SCYL2: variants seen among roughly 807,000 people sequenced by gnomAD.
The protein encoded by SCYL2 is SCY1 like pseudokinase 2.
SCYL2 carries 36 observed loss-of-function variants against 100.4 expected under a neutral mutation model. The observed-to-expected ratio is 0.36, with a 90% CI of 0.27 to 0.47. The LOEUF is 0.47. SCYL2 is among the 20% of genes least tolerant of loss of function. The pLI is 1.00. For synonymous variants in SCYL2, 330 were observed against 359.2 expected (o/e 0.92, Z 0.92); for missense variants, 902 against 1,083.9 (o/e 0.83, Z 2.36).
At chr12:100,307,451 C>T (rs1292663280) in intron 4 of SCYL2, among the ~76,000 whole-genome samples, 1 of 152,122 alleles carries the variant, frequency 6.6e-6, no homozygotes, top group Non-Finnish European at 1.5e-5. Context: ...ATGCAGAAAA[C>T]TGAAACTGGA....
intron 10 of SCYL2, chr12:100,319,102 T>C (rs1220555004): frequency 1.1e-5 from 4 of 355,092 alleles, no homozygotes; most frequent in Admixed American, 7.4e-5. Context: ...CTAAAGTTAA[T>C]ATGAACCTAA....
intron 11 of SCYL2, 78 bp downstream of exon 11, chr12:100,323,716 C>A: frequency 1.3e-6 from 1 of 742,200 alleles, no homozygotes; most frequent in Non-Finnish European, 2.2e-6. Flanking sequence ...GTTTAATAAC[C>A]CTTTTATAGA....
chr12:100,320,238 G>A (rs960872105), intron 10 of SCYL2, among the ~76,000 whole-genome samples: 3 of 152,066 alleles, frequency 2.0e-5, no homozygotes, highest in East Asian at 1.9e-4. Context: ...TCCTCATCCC[G>A]GCTGTTATTA....
intron 3 of SCYL2, among the ~76,000 whole-genome samples, chr12:100,297,262 C>A (rs943095266): frequency 3.9e-5 from 6 of 152,158 alleles, no homozygotes; most frequent in African/African-American, 1.4e-4. Flanking sequence ...TCTATTATCA[C>A]CATTTTACAA....
chr12:100,281,638 C>A (rs1034110510), intron 1 of SCYL2, among the ~76,000 whole-genome samples: 18 of 152,100 alleles, frequency 1.2e-4, no homozygotes, highest in African/African-American at 3.9e-4. Flanking sequence ...TCGAGACCAT[C>A]CTGGCTAACA....
At chr12:100,308,167 T>C (rs531652206) in intron 4 of SCYL2, among the ~76,000 whole-genome samples, 2 of 152,286 alleles carry the variant, frequency 1.3e-5, no homozygotes, top group African/African-American at 4.8e-5. Flanking sequence ...TAAATGATTC[T>C]ACTATAAAGA....
At chr12:100,306,439 G>C (rs2096334515) in intron 4 of SCYL2, among the ~76,000 whole-genome samples, 1 of 152,178 alleles carries the variant, frequency 6.6e-6, no homozygotes, top group Admixed American at 6.5e-5. Context: ...AAAGGCCTTT[G>C]ATAAAATTCA....
intron 4 of SCYL2, among the ~76,000 whole-genome samples, chr12:100,308,034 TTGG>T (rs1401128644): frequency 8.5e-5 from 13 of 152,148 alleles, no homozygotes; most frequent in African/African-American, 3.1e-4. Context: ...TTTTACACTG[TTGG>T]TGGGGGTGTA....
chr12:100,284,210 G>A (rs1025098553), intron 2 of SCYL2, among the ~76,000 whole-genome samples: 3 of 152,198 alleles, frequency 2.0e-5, no homozygotes, highest in African/African-American at 7.2e-5. Context: ...AAGGTTCTAG[G>A]TAGTTGTGGT....
At chr12:100,282,918 C>T in intron 1 of SCYL2, 25 bp from the exon 2 acceptor site, 3 of 1,163,550 alleles carry the variant, frequency 2.6e-6, no homozygotes, top group Non-Finnish European at 3.7e-6. Flanking sequence ...ATGATCAGTT[C>T]TCCACTATCC....
At chr12:100,313,387 T>G (rs766798216) in intron 6 of SCYL2, 35 bp from the exon 7 acceptor site, 37 of 972,208 alleles carry the variant, frequency 3.8e-5, no homozygotes, top group Admixed American at 8.5e-5. Flanking sequence ...TTTAAATATT[T>G]TATACTCATT....
chr12:100,300,731 T>C (rs1408995809), intron 4 of SCYL2, among the ~76,000 whole-genome samples: 1 of 152,222 alleles, frequency 6.6e-6, no homozygotes, highest in Non-Finnish European at 1.5e-5. Flanking sequence ...CTCCTACAAA[T>C]AAGGGAGAAC....
At chr12:100,289,666 G>A (rs1383609864) in intron 2 of SCYL2, among the ~76,000 whole-genome samples, 1 of 152,020 alleles carries the variant, frequency 6.6e-6, no homozygotes, top group East Asian at 1.9e-4. Context: ...TTATGACTGT[G>A]GTCTGAAAAT....
At chr12:100,279,923 C>T (rs2096296296) in intron 1 of SCYL2, among the ~76,000 whole-genome samples, 1 of 152,216 alleles carries the variant, frequency 6.6e-6, no homozygotes. Context: ...TTCAGCATAG[C>T]TTCATTCACT....
At chr12:100,296,943 A>G (rs886293417) in intron 3 of SCYL2, 1 of 152,154 alleles carries the variant, frequency 6.6e-6, no homozygotes, top group African/African-American at 2.4e-5. Context: ...ATATGCTCTC[A>G]TTTGAAAAAC....
At chr12:100,302,808 G>A (rs1001360178) in intron 4 of SCYL2, among the ~76,000 whole-genome samples, 4 of 152,166 alleles carry the variant, frequency 2.6e-5, no homozygotes, top group Non-Finnish European at 4.4e-5. Context: ...GTCTTGCTAG[G>A]TTGGGGAAGT....
chr12:100,304,526 C>G (rs564678547), intron 4 of SCYL2, among the ~76,000 whole-genome samples: 1 of 152,242 alleles, frequency 6.6e-6, no homozygotes, highest in South Asian at 2.1e-4. Context: ...GTTCCCCGAC[C>G]CCTTGAGCTT....
intron 4 of SCYL2, among the ~76,000 whole-genome samples, chr12:100,306,988 TAAGAG>T (rs1480048584): frequency 6.6e-6 from 1 of 152,010 alleles, no homozygotes; most frequent in Non-Finnish European, 1.5e-5. Flanking sequence ...CTGAAGGAAA[TAAGAG>T]AGGACACAAA....
intron 3 of SCYL2, among the ~76,000 whole-genome samples, chr12:100,292,592 T>A (rs1293781270): frequency 1.3e-5 from 2 of 152,226 alleles, no homozygotes; most frequent in Non-Finnish European, 2.9e-5. Flanking sequence ...AAGATCTTTT[T>A]TTTAAACATA....
Sources: gnomAD v4.1 joint callset for allele counts (sites outside exome capture counted in the v4.1 genomes callset) on GRCh38, gnomAD v4.1.1 for gene constraint, MANE v1.5 for transcripts, NCBI Gene and HGNC (gene_info 2026-07-23, HGNC 2026-07-21) for gene names.